SPPL3: variants seen among roughly 807,000 people sequenced by gnomAD.
SPPL3 encodes signal peptide peptidase like 3.
SPPL3 carries 5 observed loss-of-function variants against 42.4 expected under a neutral mutation model. The ratio of observed to expected loss-of-function variants is 0.12; its 90% CI spans 0.06 to 0.25. SPPL3 has a LOEUF of 0.25. Among genes scored for constraint, SPPL3 ranks in the 10% least tolerant of loss-of-function variants. The probability of loss-of-function intolerance (pLI) is 1.00; values close to 1 mark genes in which losing one functional copy is unlikely to be tolerated. For synonymous variants in SPPL3, 195 were observed against 181.8 expected (o/e 1.07, Z -0.58); for missense variants, 235 against 489.0 (o/e 0.48, Z 4.90).
intron 1 of SPPL3, among the ~76,000 whole-genome samples, chr12:120,831,002 A>G (rs1428442747): frequency 1.3e-5 from 2 of 152,158 alleles, no homozygotes; most frequent in Non-Finnish European, 2.9e-5. Flanking sequence ...GATCCTCCCC[A>G]GTGTGGGAGG....
chr12:120,820,083 T>TA (rs1353364145), intron 1 of SPPL3, among the ~76,000 whole-genome samples: 8 of 152,202 alleles, frequency 5.3e-5, no homozygotes, highest in African/African-American at 1.9e-4. Context: ...TGCTGCCTTC[T>TA]ACCTTTACCC....
chr12:120,767,452 G>C lies in SPPL3; in HGVS notation c.915C>G (p.Ile305Met). The C allele has an allele frequency of 6.2e-7, 1 of 1,614,134 alleles. No homozygotes were observed. The highest frequency in any genetic ancestry group is 8.5e-7 in the Non-Finnish European group (1 of 1,180,044). ...AGGAGACCTTCTGCATGCGCCCGGA[G>C]ATGTTGGCAGGTCCAGGGGCCCCAC... ...DSCGAPGPAN[I>M]SGRMQKVSYF... Residue 305 changes from isoleucine (I) to methionine (M), a missense_variant, in exon 9 of 11, where the codon ATC (isoleucine) becomes ATG (methionine). Coordinates refer to ENST00000353487, the MANE Select transcript of SPPL3 (RefSeq NM_139015.5).
At chr12:120,868,273 A>C in intron 1 of SPPL3, among the ~76,000 whole-genome samples, 1 of 152,044 alleles carries the variant, frequency 6.6e-6, no homozygotes, top group South Asian at 2.1e-4. Flanking sequence ...TAAAAAAAAA[A>C]AATGTTAGGG....
intron 1 of SPPL3, among the ~76,000 whole-genome samples, chr12:120,889,474 C>G (rs1873564657): frequency 6.6e-6 from 1 of 152,234 alleles, no homozygotes; most frequent in Non-Finnish European, 1.5e-5. Context: ...AGTTCTAAGC[C>G]TAAACCTTAA....
rs1007456360 is a variant in SPPL3, at chr12:120,899,785, C to A, written c.23+4060G>T. Among the ~76,000 whole-genome samples, 27 of 142,800 alleles carry A rather than the reference C, an allele frequency of 1.9e-4. 1 individual carries two copies. Among genetic ancestry groups the A allele is most frequent in the Non-Finnish European group, 4.5e-5 (3 of 66,612 alleles). The allele number at this position is 142,800 out of a possible 152,430, so 93.7% of individuals were successfully genotyped here. A position where few individuals can be genotyped will look rare whatever the true frequency, so the allele number is the denominator to read the frequency against. On this transcript the variant is annotated intron_variant, in intron 1 of 10. Transcript: ENST00000353487. ...GTACACGCCTGTAATCCCAGCTACT[C>A]GGGAGGCTGAGGCACAAGAATCGCT... is the stretch of plus-strand genomic sequence containing the variant.
intron 1 of SPPL3, among the ~76,000 whole-genome samples, chr12:120,860,056 C>T (rs10849803): frequency 0.11 from 16,045 of 152,168 alleles, 1,041 homozygotes; most frequent in East Asian, 0.3. Flanking sequence ...GCTTAGGCAA[C>T]ATAGTGAGAC....
intron 1 of SPPL3, among the ~76,000 whole-genome samples, chr12:120,871,023 G>C (rs1245146456): frequency 6.7e-6 from 1 of 149,642 alleles, no homozygotes; most frequent in African/African-American, 2.4e-5. Flanking sequence ...CCAGTTATTC[G>C]GGAGGCTGAG....
chr12:120,860,703 G>A (rs1201872749), intron 1 of SPPL3, among the ~76,000 whole-genome samples: 1 of 152,126 alleles, frequency 6.6e-6, no homozygotes, highest in Non-Finnish European at 1.5e-5. Flanking sequence ...ACAAATTGGA[G>A]GGAGAGAGGA....
rs569401944 is a variant in SPPL3 at position 120,807,457 on chromosome 12, C to T, written c.101+3352G>A. On this transcript the variant is annotated intron_variant, in intron 2 of 10. Transcript: ENST00000353487. Reference sequence around the variant, plus strand: ...TTGGGAGGCCGAGGCGGGCAGATCACGAGGTCAGGAGTTCGAGACCAGCCT... The same window carrying T: ...TTGGGAGGCCGAGGCGGGCAGATCATGAGGTCAGGAGTTCGAGACCAGCCT... 4.6e-5 allele frequency among the ~76,000 whole-genome samples: 7 copies of T among 152,106 alleles called. No individual in the cohort carries two copies. The East Asian group carries it at 1.2e-3, about 25-fold the overall frequency.
rs1258537793 is a variant in SPPL3 at position 120,806,845 on chromosome 12, A to AG, written c.101+3963_101+3964insC. Among the ~76,000 whole-genome samples the AG allele has an allele frequency of 4.2e-4, 37 of 87,454 alleles. No individual in the cohort carries two copies. The East Asian group carries it at 0.012, about 29-fold the overall frequency. 57.4% of individuals were successfully genotyped at this position (87,454 alleles called of 152,430 possible). On this transcript the variant is annotated intron_variant, in intron 2 of 10. Transcript: ENST00000353487. ...CTGGGCGACAGAGCGAGACTCCATT[A>AG]AAAAAAAAAAAGAAAGAAAGAAAGA...
intron 2 of SPPL3, among the ~76,000 whole-genome samples, chr12:120,798,458 C>T (rs942573519): frequency 1.3e-5 from 2 of 152,186 alleles, no homozygotes; most frequent in Admixed American, 6.5e-5. Flanking sequence ...CCCCTGCCAA[C>T]GCACCTGTGG....
At chr12:120,778,386 G>A (rs1234601956) in intron 6 of SPPL3, among the ~76,000 whole-genome samples, 1 of 151,774 alleles carries the variant, frequency 6.6e-6, no homozygotes, top group African/African-American at 2.4e-5. Context: ...CAAAGTGCTG[G>A]GATTACAAGC....
At chr12:120,787,044 G>A (rs1869744915) in intron 3 of SPPL3, among the ~76,000 whole-genome samples, 2 of 152,054 alleles carry the variant, frequency 1.3e-5, no homozygotes, top group Admixed American at 6.6e-5. Context: ...ATGTACGTCT[G>A]GTATGGAATA....
At chr12:120,860,859 G>T (rs570727863) in intron 1 of SPPL3, among the ~76,000 whole-genome samples, 1 of 152,172 alleles carries the variant, frequency 6.6e-6, no homozygotes, top group East Asian at 1.9e-4. Context: ...TGGGGGACTG[G>T]TTCCAGGACA....
At chr12:120,896,474 C>G (rs1873806072) in intron 1 of SPPL3, among the ~76,000 whole-genome samples, 1 of 152,044 alleles carries the variant, frequency 6.6e-6, no homozygotes, top group Admixed American at 6.6e-5. Flanking sequence ...TAAGAAAATA[C>G]ATGATAGAAA....
chr12:120,851,170 C>T (rs983996962), intron 1 of SPPL3, among the ~76,000 whole-genome samples: 1 of 152,138 alleles, frequency 6.6e-6, no homozygotes, highest in Admixed American at 6.5e-5. Flanking sequence ...GAACGCGAGT[C>T]TAGAAACTTC....
At position 120,866,214 on chromosome 12, in the gene SPPL3, C is replaced by T. The variant is rs143651011; in HGVS notation, c.23+37631G>A. 4.6e-3 allele frequency among the ~76,000 whole-genome samples: 708 copies of T among 152,326 alleles called. 2 individuals carry two copies. Among genetic ancestry groups the T allele is most frequent in the Middle Eastern group, 0.017 (5 of 294 alleles). On this transcript the variant is annotated intron_variant, in intron 1 of 10. Coordinates refer to ENST00000353487, the MANE Select transcript of SPPL3 (RefSeq NM_139015.5). ...ATCCCCAAAACATCCTCCCCCTCCTCCCCATCCATAGAAAAACTGTCTTCC... is the reference window on the plus strand; with the variant it reads ...ATCCCCAAAACATCCTCCCCCTCCTTCCCATCCATAGAAAAACTGTCTTCC...
chr12:120,897,287 C>A (rs915424245), intron 1 of SPPL3, among the ~76,000 whole-genome samples: 3 of 152,082 alleles, frequency 2.0e-5, no homozygotes, highest in Admixed American at 6.6e-5. Context: ...TTCTTTACCC[C>A]CGAAGGCTTT....
chr12:120,812,879 G>T (rs186133140), intron 1 of SPPL3, among the ~76,000 whole-genome samples: 11 of 152,274 alleles, frequency 7.2e-5, no homozygotes, highest in African/African-American at 2.6e-4. Context: ...TTCATATAAA[G>T]AACATAACAC....
Sources: allele counts gnomAD v4.1 joint callset (sites outside exome capture counted in the v4.1 genomes callset), GRCh38; gene constraint gnomAD v4.1.1; transcripts MANE v1.5; gene names NCBI Gene and HGNC (gene_info 2026-07-23, HGNC 2026-07-21).